Variants in COL6A3 observed in about 807,000 individuals in gnomAD.
COL6A3 encodes the protein collagen alpha-3(VI) chain.
COL6A3 carries 137 observed loss-of-function variants against 274.1 expected under a neutral mutation model. The ratio of observed to expected loss-of-function variants is 0.50; its 90% CI spans 0.44 to 0.58. COL6A3 has a LOEUF of 0.58. Among genes scored for constraint, COL6A3 ranks in the 20% least tolerant of loss-of-function variants. The pLI, the probability that COL6A3 is intolerant of heterozygous loss-of-function variation, is 0.00. For synonymous variants in COL6A3, 1,650 were observed against 1,650.6 expected (o/e 1.00, Z 0.01); for missense variants, 3,950 against 4,124.9 (o/e 0.96, Z 1.16).
At position 237,364,743 on chromosome 2, in the gene COL6A3, CGTGCATGTGT is replaced by C. The variant is rs548076856; in HGVS notation, c.5839-325_5839-316del. On this transcript the variant is annotated intron_variant, in intron 12 of 43. Transcript: ENST00000295550. The surrounding 1 kb of genome is among the most constrained non-coding windows in gnomAD (Gnocchi z 4.6). ...ATGCATATGTGTGCATGCATGTGTG[CGTGCATGTGT>C]GTGCATGTGTGTGGGTACATATGTG... 5.0e-4 allele frequency among the ~76,000 whole-genome samples: 76 copies of C among 151,618 alleles called. 1 individual carries two copies. The highest frequency in any genetic ancestry group is 1.7e-3 in the African/African-American group (69 of 41,320).
Position 237,374,684 on chromosome 2 carries a change from A to G in COL6A3, c.3407T>C (p.Leu1136Pro). The change falls in exon 8 of 44, where the codon CTG becomes CCG. Residue 1136 changes from leucine (L) to proline (P), a missense_variant. This residue lies in a region of COL6A3 where 1,934 missense variants were observed against 1,984.3 expected (regional missense o/e 0.97). Coordinates refer to ENST00000295550, the MANE Select transcript of COL6A3 (RefSeq NM_004369.4). This position sits in a 1 kb window ranked among gnomAD's most constrained non-coding sequence, Gnocchi z 4.8. ...AGACCTGTCGGCCGTGAGGACGATC[A>G]GCAGCTGGGGCACACCTTCTGTTAT... is the stretch of plus-strand genomic sequence containing the variant. ...SRITEGVPQL[L>P]IVLTADRSGD... 6.2e-7 allele frequency: 1 copy of G among 1,613,868 alleles called. No individual in the cohort carries two copies. Among genetic ancestry groups the G allele is most frequent in the Non-Finnish European group, 8.5e-7 (1 of 1,179,804 alleles).
At position 237,344,457 on chromosome 2, in the gene COL6A3, T is replaced by C; in HGVS notation, c.7561A>G (p.Arg2521Gly). The C allele has an allele frequency of 1.2e-6, 2 of 1,614,218 alleles. No individual in the cohort carries two copies. Among genetic ancestry groups the C allele is most frequent in the Non-Finnish European group, 1.7e-6 (2 of 1,180,042 alleles). The change falls in exon 36 of 44, where the codon AGA (arginine) becomes GGA (glycine). Residue 2521 changes from arginine (R) to glycine (G), a missense_variant. Around this residue, in one of 5 missense-constraint regions of COL6A3, gnomAD observed 1,284 missense variants for 1,349.7 expected, o/e 0.95. Transcript: ENST00000295550. The surrounding 1 kb of genome is among the most constrained non-coding windows in gnomAD (Gnocchi z 4.8). ...VAVFFSNTPT[R>G]ASPQLREAVL... The stretch of plus-strand genomic sequence containing the variant: ...GCCTCTCTGAGCTGTGGGGATGCTC[T>C]TGTGGGTGTGTTGCTGAAGAAAACA...
intron 1 of COL6A3, among the ~76,000 whole-genome samples, chr2:237,404,784 T>C (rs1471113236): frequency 6.6e-6 from 1 of 152,202 alleles, no homozygotes; most frequent in East Asian, 1.9e-4. Flanking sequence ...CAAAATTACA[T>C]TTCTCATCTT....
chr2:237,394,483 C>T, intron 3 of COL6A3, 104 bp downstream of exon 3: 1 of 1,470,884 alleles, frequency 6.8e-7, no homozygotes. Flanking sequence ...TCATCTCTTC[C>T]CTGGCCCACC....
intron 3 of COL6A3, among the ~76,000 whole-genome samples, chr2:237,388,455 A>G (rs1468137451): frequency 6.6e-6 from 1 of 152,166 alleles, no homozygotes; most frequent in Non-Finnish European, 1.5e-5. Context: ...TCCAAACATC[A>G]TATTCACTTT....
rs761011715 is a variant in COL6A3 at position 237,396,785 on chromosome 2, G to A, written c.33C>T (p.Ala11=). The stretch of plus-strand genomic sequence containing the variant: ...AGCCTGAGAGAAAGAGGCAAAAGAC[G>A]GCCACTAAGGGCAAGTGCCGATGTT... The part of the protein sequence containing the change: MRKHRHLPLV[A]VFCLFLSGFP... The change falls in exon 2 of 44, where the codon GCC becomes GCT. Residue 11 remains alanine (A), a synonymous_variant. Transcript: ENST00000295550. 19 of 1,614,138 alleles carry A rather than the reference G, an allele frequency of 1.2e-5. No homozygotes were observed. The highest frequency in any genetic ancestry group is 6.7e-5 in the Admixed American group (4 of 60,012).
chr2:237,375,203 C>A (rs889818168), intron 7 of COL6A3, among the ~76,000 whole-genome samples, 183 bp from the exon 8 acceptor site: 2 of 152,106 alleles, frequency 1.3e-5, no homozygotes, highest in Admixed American at 6.5e-5. Context: ...CTGGAATTAG[C>A]CAGGTGGGCC....
chr2:237,387,592 A>C lies in COL6A3; in HGVS notation c.1302T>G (p.Ile434Met). ...QRHIVLKPPT[I>M]VTQVIEVNKR... ...GAAGAGGATACATACCTTGTGTGAC[A>C]ATGGTTGGCGGTTTCAAGACAATGT... is the stretch of plus-strand genomic sequence containing the variant. The change falls in exon 4 of 44, where the codon ATT (isoleucine) becomes ATG (methionine). Residue 434 changes from isoleucine to methionine, a missense_variant. Coordinates refer to ENST00000295550, the MANE Select transcript of COL6A3 (RefSeq NM_004369.4). 4 of 1,614,012 alleles carry C rather than the reference A, an allele frequency of 2.5e-6. No individual in the cohort carries two copies. Among genetic ancestry groups the C allele is most frequent in the Non-Finnish European group, 3.4e-6 (4 of 1,179,972 alleles).
At chr2:237,365,590 A>T in intron 12 of COL6A3, 108 bp downstream of exon 12, 2 of 969,652 alleles carry the variant, frequency 2.1e-6, no homozygotes, top group East Asian at 2.4e-5. Flanking sequence ...AGACACTAAC[A>T]ATCCAGTGAA....
At position 237,395,077 on chromosome 2, in the gene COL6A3, T is replaced by C; in HGVS notation, c.219A>G (p.Glu73=). The change falls in exon 3 of 44, where the codon GAA becomes GAG. Residue 73 remains glutamate (E), a synonymous_variant. Transcript: ENST00000295550. Reference sequence around the variant, plus strand: ...GGACCAGAGCAAAATGGAAATCATTTTCTCCCACAGCTAAGGATTTTACAA... The same window carrying C: ...GGACCAGAGCAAAATGGAAATCATTCTCTCCCACAGCTAAGGATTTTACAA... ...YDVVKSLAVG[E]NDFHFALVQF... The C allele has an allele frequency of 6.2e-7, 1 of 1,614,154 alleles. No individual in the cohort carries two copies.
chr2:237,335,779 TTTTC>T (rs1478171209), intron 40 of COL6A3, among the ~76,000 whole-genome samples: 1 of 152,182 alleles, frequency 6.6e-6, no homozygotes, highest in Admixed American at 6.5e-5. Context: ...ACTGCAGCGT[TTTTC>T]TTTCTGTCTC....
chr2:237,361,926 G>A lies in COL6A3; in HGVS notation c.6064-95C>T, dbSNP rs1211871084. ...TTAAGGGTCAAAATCGGATGTGTGG[G>A]GGTTTCACGGTGTGAGATGAAGTCC... On this transcript the variant is annotated intron_variant, in intron 14 of 43. Transcript: ENST00000295550. The surrounding 1 kb of genome is among the most constrained non-coding windows in gnomAD (Gnocchi z 5.1). The A allele has an allele frequency of 2.8e-6, 3 of 1,072,414 alleles. No individual in the cohort carries two copies. The highest frequency in any genetic ancestry group is 1.5e-5 in the African/African-American group (1 of 64,548). The allele number at this position is 1,072,414 out of a possible 1,614,324, so 66.4% of individuals were successfully genotyped here.
intron 1 of COL6A3, among the ~76,000 whole-genome samples, chr2:237,399,403 C>A (rs919206854): frequency 6.6e-6 from 1 of 152,178 alleles, no homozygotes; most frequent in East Asian, 1.9e-4. Context: ...CATGTGGTAG[C>A]CTGTTTGGTA....
intron 14 of COL6A3, among the ~76,000 whole-genome samples, chr2:237,363,040 C>T (rs944125208): frequency 5.3e-5 from 8 of 152,128 alleles, no homozygotes; most frequent in Non-Finnish European, 8.8e-5. Flanking sequence ...CCTTCCAGCT[C>T]GCTGGATTTC....
At chr2:237,324,949 C>T (rs1234924609) in intron 43 of COL6A3, 135 bp from the exon 44 acceptor site, 3 of 950,978 alleles carry the variant, frequency 3.2e-6, no homozygotes, top group Non-Finnish European at 4.8e-6. Context: ...CATCACCTGT[C>T]CCACTTTTCT....
At chr2:237,404,627 T>C (rs1223901751) in intron 1 of COL6A3, among the ~76,000 whole-genome samples, 1 of 152,162 alleles carries the variant, frequency 6.6e-6, no homozygotes, top group African/African-American at 2.4e-5. Context: ...GCAGGGAGCA[T>C]TGACAAAGAG....
At chr2:237,382,818 C>A (rs990420175) in intron 4 of COL6A3, among the ~76,000 whole-genome samples, 1 of 152,158 alleles carries the variant, frequency 6.6e-6, no homozygotes, top group Non-Finnish European at 1.5e-5. Flanking sequence ...GACAGAATCT[C>A]ACTCTATCAC....
rs551423056 is a variant in COL6A3 at position 237,380,893 on chromosome 2, T to C, written c.1897+22A>G. ...TGCCTGGAGACCACCCCATTGTGTGTCTGAAGCCATCACCACCATACCTTC... is the reference window on the plus strand; with the variant it reads ...TGCCTGGAGACCACCCCATTGTGTGCCTGAAGCCATCACCACCATACCTTC... On this transcript the variant is annotated intron_variant, in intron 5 of 43. Coordinates refer to ENST00000295550, the MANE Select transcript of COL6A3 (RefSeq NM_004369.4). 13 of 1,607,208 alleles carry C rather than the reference T, an allele frequency of 8.1e-6. 1 individual carries two copies. The highest frequency in any genetic ancestry group is 2.2e-5 in the South Asian group (2 of 90,810).
Position 237,353,326 on chromosome 2 carries a change from C to T in COL6A3, c.6690+15G>A, listed in dbSNP as rs1256018976. The T allele has an allele frequency of 1.2e-6, 2 of 1,613,474 alleles. No individual in the cohort carries two copies. The highest frequency in any genetic ancestry group is 1.7e-6 in the Non-Finnish European group (2 of 1,179,446). On this transcript the variant is annotated intron_variant, in intron 25 of 43. Coordinates refer to ENST00000295550, the MANE Select transcript of COL6A3 (RefSeq NM_004369.4). ...AAATATCAGAGGGCACACAGTCACA[C>T]ACGGAAGCACTCACCTGTGCACCTC...
Sources: gnomAD v4.1 joint callset for allele counts (sites outside exome capture counted in the v4.1 genomes callset) on GRCh38, gnomAD v4.1.1 for gene constraint, gnomAD v4.1.1 regional missense constraint, Gnocchi (gnomAD v3.1) non-coding constraint, MANE v1.5 for transcripts, NCBI Gene and HGNC (gene_info 2026-07-23, HGNC 2026-07-21) for gene names.